ZSWIM2: variants seen among roughly 807,000 people sequenced by gnomAD.
The protein encoded by ZSWIM2 is E3 ubiquitin-protein ligase ZSWIM2.
In ZSWIM2, 38 loss-of-function variants were observed where a neutral mutation model predicts 48.4. The observed-to-expected ratio is 0.79, with a 90% CI of 0.61 to 1.03. The LOEUF (loss-of-function observed/expected upper bound fraction) is 1.03. ZSWIM2 is among the 50% of genes least tolerant of loss of function. The probability of loss-of-function intolerance (pLI) is 0.00; values close to 1 mark genes in which losing one functional copy is unlikely to be tolerated. For synonymous variants in ZSWIM2, 240 were observed against 251.3 expected (o/e 0.96, Z 0.42); for missense variants, 776 against 730.2 (o/e 1.06, Z -0.72).
rs780354036 is a variant in ZSWIM2, at chr2:186,829,759, G to C, written c.1063C>G (p.Gln355Glu). 8.7e-6 allele frequency: 14 copies of C among 1,613,410 alleles called. No individual in the cohort carries two copies. The South Asian group carries it at 1.5e-4, about 18-fold the overall frequency. The part of the protein sequence containing the change: ...LLCLKAFHLG[Q>E]HTRLLPCTHK... ...GTACATGGTAGCAATCTTGTATGTT[G>C]ACCAAGATGAAATGCCTTCAAACAA... The change falls in exon 8 of 9, where the codon CAA becomes GAA. Residue 355 changes from glutamine to glutamate, a missense_variant. Physicochemically the swap from Gln to Glu is conservative, Grantham distance 29 (BLOSUM62 2). Transcript: ENST00000295131.
chr2:186,846,671 C>T (rs1349253841), intron 2 of ZSWIM2, among the ~76,000 whole-genome samples: 1 of 151,656 alleles, frequency 6.6e-6, no homozygotes, highest in Non-Finnish European at 1.5e-5. Flanking sequence ...CAAAAGATAG[C>T]TGAACTCATA....
At chr2:186,838,657 A>G (rs908079143) in intron 4 of ZSWIM2, among the ~76,000 whole-genome samples, 6 of 147,546 alleles carry the variant, frequency 4.1e-5, no homozygotes, top group Non-Finnish European at 9.0e-5. Context: ...AAACATATAT[A>G]TACACACACA....
intron 3 of ZSWIM2, among the ~76,000 whole-genome samples, chr2:186,839,715 G>C (rs1410433176): frequency 1.3e-5 from 2 of 151,746 alleles, no homozygotes; most frequent in East Asian, 3.9e-4. Flanking sequence ...AACAGATTTG[G>C]TCAGTGTTTC....
chr2:186,832,865 A>G (rs776817747), intron 7 of ZSWIM2, among the ~76,000 whole-genome samples: 21 of 152,150 alleles, frequency 1.4e-4, no homozygotes, highest in Non-Finnish European at 2.8e-4. Context: ...TTTAAAGATG[A>G]GGAAAATGTG....
Position 186,828,616 on chromosome 2 carries a change from G to C in ZSWIM2, c.1270C>G (p.Leu424Val). 1 of 1,612,878 alleles carries C rather than the reference G, an allele frequency of 6.2e-7. No individual in the cohort carries two copies. Among genetic ancestry groups the C allele is most frequent in the Non-Finnish European group, 8.5e-7 (1 of 1,179,474 alleles). The change falls in exon 9 of 9, where the codon CTT (leucine) becomes GTT (valine). Residue 424 changes from leucine (L) to valine (V), a missense_variant. Coordinates refer to ENST00000295131, the MANE Select transcript of ZSWIM2 (RefSeq NM_182521.3). ...ACTAATCCAGTACCAGGAATAAAAA[G>C]ATCTGGTTCTTTCTGCTTTGATAGA... ...IHLSKQKEPD[L>V]FIPGTGLVLK...
chr2:186,849,047 A>C lies in ZSWIM2; in HGVS notation c.84T>G (p.Ser28Arg). ...RLSWHQDQALSSSIYLLREMG... is the reference protein window; with the variant it reads ...RLSWHQDQALRSSIYLLREMG... ...TCTCTCGTAGGAGGTAGATGCTGCT[A>C]CTCAGCGCCTGGTCTTGGTGCCAGC... Residue 28 changes from serine (S) to arginine (R), a missense_variant, in exon 1 of 9, where the codon AGT becomes AGG. Ser to Arg is a moderately radical substitution (Grantham distance 110). Coordinates refer to ENST00000295131, the MANE Select transcript of ZSWIM2 (RefSeq NM_182521.3). The C allele has an allele frequency of 1.2e-6, 2 of 1,614,084 alleles. No individual in the cohort carries two copies. Among genetic ancestry groups the C allele is most frequent in the Non-Finnish European group, 1.7e-6 (2 of 1,179,996 alleles).
chr2:186,841,355 T>TTTC (rs1691899810), intron 3 of ZSWIM2, among the ~76,000 whole-genome samples: 1 of 150,494 alleles, frequency 6.6e-6, no homozygotes, highest in Non-Finnish European at 1.5e-5. Flanking sequence ...TGTTAATATC[T>TTTC]TTGTATGCTT....
intron 3 of ZSWIM2, among the ~76,000 whole-genome samples, chr2:186,840,117 G>C (rs749372801): frequency 6.6e-6 from 1 of 151,534 alleles, no homozygotes; most frequent in Non-Finnish European, 1.5e-5. Flanking sequence ...GCAGTTCCCT[G>C]TCAGATGTTA....
intron 5 of ZSWIM2, among the ~76,000 whole-genome samples, chr2:186,835,817 C>A (rs1691783714): frequency 6.6e-6 from 1 of 152,106 alleles, no homozygotes; most frequent in Non-Finnish European, 1.5e-5. Flanking sequence ...AAAATGCATT[C>A]TTTAATTTGT....
intron 2 of ZSWIM2, among the ~76,000 whole-genome samples, chr2:186,845,147 A>G (rs898935566): frequency 1.3e-5 from 2 of 151,296 alleles, no homozygotes; most frequent in African/African-American, 4.8e-5. Flanking sequence ...GTTTTCCTAC[A>G]TATACCTCTC....
At chr2:186,842,980 T>C (rs1691931919) in intron 3 of ZSWIM2, among the ~76,000 whole-genome samples, 1 of 146,468 alleles carries the variant, frequency 6.8e-6, no homozygotes, top group Non-Finnish European at 1.5e-5. Context: ...ACAAACATGC[T>C]AGATTTTGAA....
chr2:186,828,794 TA>T lies in ZSWIM2; in HGVS notation c.1096-5del, dbSNP rs59504667. 178,427 of 1,496,856 alleles carry T rather than the reference TA, an allele frequency of 0.12. 14,182 individuals are homozygous for T. The highest frequency in any genetic ancestry group is 0.4 in the African/African-American group (28,680 of 71,188). The allele number at this position is 1,496,856 out of a possible 1,614,324, so 92.7% of individuals were successfully genotyped here. On this transcript the variant is annotated splice_region_variant and splice_polypyrimidine_tract_variant and intron_variant, in intron 8 of 8. Transcript: ENST00000295131. ...TGTCAATACACTTCCTGTGAAACTT[TA>T]AAAAAAAGGTAAGCTAATCAGAACT...
chr2:186,833,456 G>A (rs928288821), intron 6 of ZSWIM2, among the ~76,000 whole-genome samples: 3 of 152,028 alleles, frequency 2.0e-5, no homozygotes, highest in African/African-American at 4.8e-5. Flanking sequence ...AACAATAATT[G>A]TGTATGTTTT....
rs745313809 is a variant in ZSWIM2 at position 186,829,838 on chromosome 2, G to T, written c.984C>A (p.Leu328=). 2.7e-5 allele frequency: 43 copies of T among 1,613,584 alleles called. No homozygotes were observed. Among genetic ancestry groups the T allele is most frequent in the Non-Finnish European group, 3.6e-5 (42 of 1,179,794 alleles). The change falls in exon 8 of 9, where the codon CTC becomes CTA. Residue 328 remains leucine (L), a synonymous_variant. Coordinates refer to ENST00000295131, the MANE Select transcript of ZSWIM2 (RefSeq NM_182521.3). ...TPKHIVRSLP[L]QLITKNSKLL... ...GCTTACTATTCTTAGTAATCAGTTG[G>T]AGAGGCAGTGATCTTACAATGTGTT...
chr2:186,838,955 T>C lies in ZSWIM2; in HGVS notation c.494+4A>G, dbSNP rs746103464. 1 of 1,604,118 alleles carries C rather than the reference T, an allele frequency of 6.2e-7. No homozygotes were observed. The highest frequency in any genetic ancestry group is 1.1e-5 in the South Asian group (1 of 89,722). On this transcript the variant is annotated splice_donor_region_variant and intron_variant, in intron 4 of 8. Transcript: ENST00000295131. ...TTTAAGAATCTAAAGAAAAAGTACA[T>C]CACCTGCAAAAGGTGACAGGAAGCT...
At position 186,837,491 on chromosome 2, in the gene ZSWIM2, T is replaced by G; in HGVS notation, c.558A>C (p.Thr186=). The stretch of plus-strand genomic sequence containing the variant: ...GACATTTCAACATGGAAGTGTTTGA[T>G]GTACTCTGATAATTAGCTAAGATCT... ...CMKILANYQS[T]SNTSMLKCPL... is the part of the protein sequence containing the mutation. Residue 186 remains threonine (T), a synonymous_variant, in exon 5 of 9, where the codon ACA becomes ACC. Coordinates refer to ENST00000295131, the MANE Select transcript of ZSWIM2 (RefSeq NM_182521.3). 6.2e-7 allele frequency: 1 copy of G among 1,612,320 alleles called. No individual in the cohort carries two copies. Among genetic ancestry groups the G allele is most frequent in the South Asian group, 1.1e-5 (1 of 91,048 alleles).
chr2:186,828,095 A>C lies in ZSWIM2; in HGVS notation c.1791T>G (p.Cys597Trp), dbSNP rs766918001. Residue 597 changes from cysteine (C) to tryptophan (W), a missense_variant, in exon 9 of 9, where the codon TGT becomes TGG. Coordinates refer to ENST00000295131, the MANE Select transcript of ZSWIM2 (RefSeq NM_182521.3). ...TACATTTTCGTGTAATTTCCCCCAT[A>C]CAGTTACTATACCTTTTAGACAAAC... is the stretch of plus-strand genomic sequence containing the variant. Reference protein sequence around the residue: ...KLSLSKRYSNCMGEITRKCSH... With the variant: ...KLSLSKRYSNWMGEITRKCSH... The C allele has an allele frequency of 6.2e-7, 1 of 1,613,466 alleles. No individual in the cohort carries two copies. Among genetic ancestry groups the C allele is most frequent in the East Asian group, 2.2e-5 (1 of 44,842 alleles).
intron 4 of ZSWIM2, 101 bp downstream of exon 4, chr2:186,838,858 G>T: frequency 2.2e-6 from 2 of 899,550 alleles, no homozygotes; most frequent in Non-Finnish European, 3.2e-6. Flanking sequence ...AGTAGGTAAA[G>T]TTGTCTATTT....
chr2:186,831,498 G>A (rs1296594292), intron 7 of ZSWIM2, among the ~76,000 whole-genome samples: 1 of 151,784 alleles, frequency 6.6e-6, no homozygotes, highest in African/African-American at 2.4e-5. Context: ...TGCTTAAAAA[G>A]TCGTGACCCA....
Sources: allele counts gnomAD v4.1 joint callset (sites outside exome capture counted in the v4.1 genomes callset), GRCh38; gene constraint gnomAD v4.1.1; transcripts MANE v1.5; gene names NCBI Gene and HGNC (gene_info 2026-07-23, HGNC 2026-07-21).